Variants in RPSA2 observed in about 807,000 individuals in gnomAD.
The protein encoded by RPSA2 is small ribosomal subunit protein uS2B.
At chr19:23,854,859 C>T in the RPSA2 span, among the ~76,000 whole-genome samples, 1 of 152,134 alleles carries the variant, frequency 6.6e-6, no homozygotes, top group African/African-American at 2.4e-5. Context: ...TTAATATATG[C>T]AGGCAACACC....
At chr19:23,830,575 T>G in the RPSA2 span, among the ~76,000 whole-genome samples, 1 of 2,912 alleles carries the variant, frequency 3.4e-4, no homozygotes, top group African/African-American at 3.7e-4. Flanking sequence ...TATTTTTACA[T>G]CATATTTTCT....
At chr19:23,855,423 C>A in the RPSA2 span, among the ~76,000 whole-genome samples, 1 of 152,166 alleles carries the variant, frequency 6.6e-6, no homozygotes, top group African/African-American at 2.4e-5. Flanking sequence ...TCCTTGAATT[C>A]TTTTAAAAAC....
the RPSA2 span, among the ~76,000 whole-genome samples, chr19:23,858,953 G>A: frequency 7.2e-5 from 11 of 152,294 alleles, no homozygotes; most frequent in Admixed American, 5.9e-4. Flanking sequence ...ACTGAGGGCT[G>A]GAAGTCCCAC....
the RPSA2 span, among the ~76,000 whole-genome samples, chr19:23,801,395 C>T: frequency 1.3e-5 from 2 of 152,116 alleles, no homozygotes; most frequent in Non-Finnish European, 2.9e-5. Flanking sequence ...TGTGCCATCA[C>T]ACCTGGCTAA....
At chr19:23,810,175 C>T in the RPSA2 span, among the ~76,000 whole-genome samples, 4 of 151,910 alleles carry the variant, frequency 2.6e-5, no homozygotes, top group South Asian at 2.1e-4. Flanking sequence ...GGGTGGATCA[C>T]GAGGTCAGGA....
At chr19:23,803,095 A>AGTTTTTTT in the RPSA2 span, among the ~76,000 whole-genome samples, 1 of 149,772 alleles carries the variant, frequency 6.7e-6, no homozygotes, top group African/African-American at 2.4e-5. Context: ...CTGAGATTTA[A>AGTTTTTTT]TTTTTTTTTT....
chr19:23,809,109 CAG>C, the RPSA2 span: 2 of 155,932 alleles, frequency 1.3e-5, no homozygotes, highest in African/African-American at 4.8e-5. Flanking sequence ...TTTTTGTGGA[CAG>C]AGAGATATCT....
At chr19:23,852,296 A>G in the RPSA2 span, among the ~76,000 whole-genome samples, 1 of 152,130 alleles carries the variant, frequency 6.6e-6, no homozygotes, top group Admixed American at 6.5e-5. Context: ...ACCTGCTGAG[A>G]CCAGCTCGGT....
At chr19:23,766,346 T>TA in the RPSA2 span, among the ~76,000 whole-genome samples, 1 of 151,728 alleles carries the variant, frequency 6.6e-6, no homozygotes, top group Admixed American at 6.6e-5. Context: ...AAAATTATTT[T>TA]AAAAAAATTT....
At chr19:23,810,922 C>T in the RPSA2 span, among the ~76,000 whole-genome samples, 3 of 151,886 alleles carry the variant, frequency 2.0e-5, no homozygotes, top group Admixed American at 2.0e-4. Flanking sequence ...GAGGGCCTGC[C>T]TTCTAAACAG....
At chr19:23,833,163 C>T in the RPSA2 span, 3 of 1,194,442 alleles carry the variant, frequency 2.5e-6, no homozygotes, top group Non-Finnish European at 3.2e-6. Context: ...GTGCCAATGC[C>T]TTTTCCTGGT....
At chr19:23,773,372 C>T in the RPSA2 span, among the ~76,000 whole-genome samples, 2 of 151,896 alleles carry the variant, frequency 1.3e-5, no homozygotes, top group Non-Finnish European at 2.9e-5. Flanking sequence ...CAACCTCCAC[C>T]TCCTGGGTTC....
At chr19:23,780,640 C>CAAACA in the RPSA2 span, among the ~76,000 whole-genome samples, 785 of 150,726 alleles carry the variant, frequency 5.2e-3, 9 homozygotes, top group African/African-American at 0.016. Flanking sequence ...GACTCCGTCT[C>CAAACA]AAACAAAACA....
chr19:23,835,170 C>G, the RPSA2 span, among the ~76,000 whole-genome samples: 14 of 151,406 alleles, frequency 9.2e-5, no homozygotes, highest in South Asian at 4.2e-4. Context: ...CATGTAAAAT[C>G]CATACATTTC....
At chr19:23,782,074 AC>A in the RPSA2 span, 1 of 152,834 alleles carries the variant, frequency 6.5e-6, no homozygotes, top group Non-Finnish European at 1.5e-5. Flanking sequence ...TTTGCCCTAA[AC>A]ATATAGGCCA....
chr19:23,826,625 C>G, the RPSA2 span, among the ~76,000 whole-genome samples: 2 of 152,004 alleles, frequency 1.3e-5, no homozygotes, highest in African/African-American at 4.8e-5. Context: ...ATAATGCCAT[C>G]AAGATTTATA....
chr19:23,836,168 C>T, the RPSA2 span, among the ~76,000 whole-genome samples: 1 of 152,062 alleles, frequency 6.6e-6, no homozygotes, highest in African/African-American at 2.4e-5. Flanking sequence ...CTCCCCATGT[C>T]CCCAAAGTCC....
At chr19:23,759,552 C>A in the RPSA2 span, among the ~76,000 whole-genome samples, 2 of 55,254 alleles carry the variant, frequency 3.6e-5, 1 homozygote, top group Non-Finnish European at 6.7e-5. Flanking sequence ...GAGACGGAGT[C>A]TCGCTCTGTT....
the RPSA2 span, among the ~76,000 whole-genome samples, chr19:23,870,186 A>G: frequency 6.6e-6 from 1 of 152,166 alleles, no homozygotes; most frequent in Non-Finnish European, 1.5e-5. Context: ...CTTTGGTCAC[A>G]CTAATCACTT....
Sources: allele counts gnomAD v4.1 joint callset (sites outside exome capture counted in the v4.1 genomes callset), GRCh38; gene constraint gnomAD v4.1.1; transcripts MANE v1.5; gene names NCBI Gene and HGNC (gene_info 2026-07-23, HGNC 2026-07-21).